The following CADM2 variants were observed in gnomAD, a reference collection of about 807,000 sequenced individuals.
CADM2 encodes the protein cell adhesion molecule 2.
Under a neutral mutation model 49.8 loss-of-function variants are expected in CADM2, and 12 were observed. The ratio of observed to expected loss-of-function variants is 0.24; its 90% CI spans 0.15 to 0.39. The LOEUF (loss-of-function observed/expected upper bound fraction) is 0.39, where lower values mean the gene tolerates loss of function less well. Ranked by LOEUF, CADM2 falls within the 10% of genes least tolerant of loss-of-function variation. The pLI is 1.00. For synonymous variants in CADM2, 214 were observed against 175.4 expected (o/e 1.22, Z -1.74); for missense variants, 378 against 492.3 (o/e 0.77, Z 2.20).
intron 1 of CADM2, among the ~76,000 whole-genome samples, chr3:85,365,913 A>G (rs1313748186): frequency 1.3e-5 from 2 of 152,170 alleles, no homozygotes; most frequent in African/African-American, 2.4e-5. Context: ...CATGGAAGCA[A>G]TTATGAGCAC....
intron 1 of CADM2, among the ~76,000 whole-genome samples, chr3:85,405,955 A>G (rs1160833235): frequency 6.6e-6 from 1 of 151,936 alleles, no homozygotes; most frequent in Non-Finnish European, 1.5e-5. Flanking sequence ...AGTAAATAAA[A>G]GTAGACATAG....
chr3:85,762,919 T>C (rs1348131014), intron 2 of CADM2, among the ~76,000 whole-genome samples: 1 of 151,786 alleles, frequency 6.6e-6, no homozygotes, highest in Non-Finnish European at 1.5e-5. Context: ...TAACTGTATA[T>C]ACCATTTTAT....
chr3:85,697,593 G>T (rs2066610331), intron 1 of CADM2, among the ~76,000 whole-genome samples: 1 of 152,070 alleles, frequency 6.6e-6, no homozygotes, highest in South Asian at 2.1e-4. Context: ...TATGATTCTG[G>T]ATGCTATAAA....
chr3:85,788,241 T>C (rs1456686542), intron 2 of CADM2, among the ~76,000 whole-genome samples: 2 of 152,104 alleles, frequency 1.3e-5, no homozygotes, highest in Non-Finnish European at 2.9e-5. Context: ...ACTAAAAATG[T>C]AAAAGCAATT....
chr3:85,811,526 G>A (rs141158511), intron 3 of CADM2, among the ~76,000 whole-genome samples: 290 of 152,284 alleles, frequency 1.9e-3, no homozygotes, highest in Non-Finnish European at 3.7e-3. Flanking sequence ...CCTATTTCAT[G>A]TTGAATAGAG....
chr3:85,186,332 A>G (rs2041062184), intron 1 of CADM2, among the ~76,000 whole-genome samples: 1 of 152,122 alleles, frequency 6.6e-6, no homozygotes, highest in African/African-American at 2.4e-5. Flanking sequence ...CTCAATTTTG[A>G]ACAAAAACCT....
At chr3:85,113,029 T>C (rs923398328) in intron 1 of CADM2, among the ~76,000 whole-genome samples, 2 of 152,038 alleles carry the variant, frequency 1.3e-5, no homozygotes, top group Non-Finnish European at 1.5e-5. Context: ...CATTTACCTA[T>C]AGATAAAACT....
intron 1 of CADM2, among the ~76,000 whole-genome samples, chr3:85,344,746 G>C (rs190343679): frequency 4.6e-5 from 7 of 151,860 alleles, no homozygotes; most frequent in Admixed American, 4.6e-4. Context: ...AATTATTTTT[G>C]AATGTGCATT....
At chr3:84,973,958 G>A (rs1477674348) in intron 1 of CADM2, among the ~76,000 whole-genome samples, 2 of 151,632 alleles carry the variant, frequency 1.3e-5, no homozygotes, top group African/African-American at 4.8e-5. Context: ...GAATACATGG[G>A]GATACCATTT....
At chr3:85,050,125 G>T (rs2035826345) in intron 1 of CADM2, among the ~76,000 whole-genome samples, 1 of 151,882 alleles carries the variant, frequency 6.6e-6, no homozygotes, top group African/African-American at 2.4e-5. Context: ...GTTCTGTTGG[G>T]GGCTATGTAT....
chr3:84,983,279 T>A (rs2107144891), intron 1 of CADM2, among the ~76,000 whole-genome samples: 1 of 152,226 alleles, frequency 6.6e-6, no homozygotes, highest in South Asian at 2.1e-4. Context: ...ATCACATCTT[T>A]TAATCTGTAA....
At chr3:85,641,065 T>C (rs961127090) in intron 1 of CADM2, among the ~76,000 whole-genome samples, 3 of 152,192 alleles carry the variant, frequency 2.0e-5, no homozygotes, top group African/African-American at 7.2e-5. Flanking sequence ...CTTTGTAACA[T>C]AGAGCATGTT....
At chr3:85,406,671 C>T (rs1292310201) in intron 1 of CADM2, among the ~76,000 whole-genome samples, 1 of 152,132 alleles carries the variant, frequency 6.6e-6, no homozygotes, top group African/African-American at 2.4e-5. Context: ...TAAAATGGAA[C>T]TACCCTCTCC....
At chr3:85,627,167 G>A (rs555807346) in intron 1 of CADM2, among the ~76,000 whole-genome samples, 2 of 151,730 alleles carry the variant, frequency 1.3e-5, no homozygotes, top group East Asian at 1.9e-4. Flanking sequence ...GATACTTACA[G>A]TCAACATTCT....
intron 1 of CADM2, among the ~76,000 whole-genome samples, chr3:85,197,237 A>G (rs1245047345): frequency 2.6e-5 from 4 of 151,840 alleles, no homozygotes; most frequent in African/African-American, 4.8e-5. Flanking sequence ...TTCTAGTTAG[A>G]GGTAGAGAAA....
At chr3:86,045,788 G>T (rs1345720126) in intron 8 of CADM2, among the ~76,000 whole-genome samples, 1 of 152,148 alleles carries the variant, frequency 6.6e-6, no homozygotes, top group Non-Finnish European at 1.5e-5. Flanking sequence ...GCTGGTCACT[G>T]TGTTAAGCCC....
intron 2 of CADM2, among the ~76,000 whole-genome samples, chr3:85,793,741 A>G (rs1375254067): frequency 6.6e-6 from 1 of 152,202 alleles, no homozygotes; most frequent in Admixed American, 6.5e-5. Flanking sequence ...TAGGTGTAAA[A>G]GGTCTAAATG....
At chr3:85,965,610 G>T (rs1300913104) in intron 8 of CADM2, among the ~76,000 whole-genome samples, 1 of 151,448 alleles carries the variant, frequency 6.6e-6, no homozygotes, top group Non-Finnish European at 1.5e-5. Context: ...GATAGAAAAT[G>T]TCTTAAAATC....
At chr3:85,043,963 A>G (rs1411744944) in intron 1 of CADM2, among the ~76,000 whole-genome samples, 2 of 152,122 alleles carry the variant, frequency 1.3e-5, no homozygotes, top group African/African-American at 4.8e-5. Flanking sequence ...ACATTATGTC[A>G]TACTATGTAC....
Sources: allele counts gnomAD v4.1 joint callset (sites outside exome capture counted in the v4.1 genomes callset), GRCh38; gene constraint gnomAD v4.1.1; transcripts MANE v1.5; gene names NCBI Gene and HGNC (gene_info 2026-07-23, HGNC 2026-07-21).